Variants in LDLRAD4 observed in about 807,000 individuals in gnomAD.
LDLRAD4 encodes the protein low-density lipoprotein receptor class A domain-containing protein 4.
In LDLRAD4, 5 loss-of-function variants were observed where a neutral mutation model predicts 17.0. The observed-to-expected ratio is 0.29, with a 90% CI of 0.15 to 0.62. The LOEUF is 0.62. LDLRAD4 is among the 20% of genes least tolerant of loss of function. The pLI, the probability that LDLRAD4 is intolerant of heterozygous loss-of-function variation, is 0.84. For missense variants in LDLRAD4, 340 were observed against 424.7 expected (o/e 0.80, Z 1.75); for synonymous variants, 168 against 171.8 (o/e 0.98, Z 0.17).
rs374547174 is a variant in LDLRAD4, at chr18:13,498,478, C to T, written c.181+60094C>T. ...ACTGGAGAATCCTTTTCCACACACA[C>T]GTCCCGCCGTGGACACTGGAGAATC... is the stretch of plus-strand genomic sequence containing the variant. On this transcript the variant is annotated intron_variant, in intron 3 of 5. Transcript: ENST00000359446. Among the ~76,000 whole-genome samples, 138 of 149,034 alleles carry T rather than the reference C, an allele frequency of 9.3e-4. 3 individuals are homozygous for T. The South Asian group carries it at 0.028, about 30-fold the overall frequency.
chr18:13,548,778 T>A (rs1010992686), intron 3 of LDLRAD4, among the ~76,000 whole-genome samples: 13 of 152,184 alleles, frequency 8.5e-5, no homozygotes, highest in African/African-American at 2.7e-4. Context: ...TCCCACCTGT[T>A]CCTGGCTCCT....
chr18:13,342,161 T>A (rs954010534), intron 1 of LDLRAD4, among the ~76,000 whole-genome samples: 3 of 152,114 alleles, frequency 2.0e-5, no homozygotes, highest in African/African-American at 7.2e-5. Flanking sequence ...GATTTTTATA[T>A]TAATATTCAT....
At chr18:13,503,915 A>G (rs1193032781) in intron 3 of LDLRAD4, among the ~76,000 whole-genome samples, 1 of 152,176 alleles carries the variant, frequency 6.6e-6, no homozygotes, top group Non-Finnish European at 1.5e-5. Context: ...ATATTTAAAG[A>G]TTTATTTTTT....
At chr18:13,407,227 T>A (rs545977054) in intron 2 of LDLRAD4, among the ~76,000 whole-genome samples, 1 of 152,308 alleles carries the variant, frequency 6.6e-6, no homozygotes, top group East Asian at 1.9e-4. Context: ...GCACCCCTCA[T>A]AGAGGCTGCT....
intron 3 of LDLRAD4, among the ~76,000 whole-genome samples, chr18:13,531,009 C>G (rs1246344377): frequency 6.6e-6 from 1 of 152,182 alleles, no homozygotes; most frequent in Non-Finnish European, 1.5e-5. Context: ...AGTGGTTCTC[C>G]TTCGTTTCAT....
intron 3 of LDLRAD4, among the ~76,000 whole-genome samples, chr18:13,506,222 T>TATTTA (rs61289550): frequency 3.3e-5 from 5 of 149,786 alleles, no homozygotes; most frequent in Admixed American, 3.3e-4. Flanking sequence ...TTTCCTCTTT[T>TATTTA]TTTTTTTTAT....
chr18:13,388,044 T>G (rs745992574), intron 2 of LDLRAD4, among the ~76,000 whole-genome samples: 4 of 152,236 alleles, frequency 2.6e-5, no homozygotes, highest in Non-Finnish European at 4.4e-5. Flanking sequence ...GTCTTCCAAG[T>G]CTCTGTTCTC....
chr18:13,409,986 ACC>A (rs948383691), intron 2 of LDLRAD4, among the ~76,000 whole-genome samples: 1 of 152,116 alleles, frequency 6.6e-6, no homozygotes, highest in African/African-American at 2.4e-5. Context: ...CACACGTGGT[ACC>A]CCAGGGCACG....
rs554067957 is a variant in LDLRAD4 at position 13,481,605 on chromosome 18, C to T, written c.181+43221C>T. Among the ~76,000 whole-genome samples the T allele has an allele frequency of 5.3e-5, 8 of 152,292 alleles. No homozygotes were observed. In the East Asian group the frequency reaches 5.8e-4, roughly 11 times the overall value. On this transcript the variant is annotated intron_variant, in intron 3 of 5. Transcript: ENST00000359446. ...CCCCCAGTCTCCACCCCCTCCCCAC[C>T]GCACGCACCTCTTCTGGGGCAGCAG...
chr18:13,470,188 G>C (rs1189565377), intron 3 of LDLRAD4, among the ~76,000 whole-genome samples: 2 of 152,118 alleles, frequency 1.3e-5, no homozygotes, highest in Non-Finnish European at 2.9e-5. Flanking sequence ...TGCACATGCA[G>C]ACCTTTGCAA....
intron 3 of LDLRAD4, among the ~76,000 whole-genome samples, chr18:13,457,186 G>C (rs759082154): frequency 6.6e-6 from 1 of 152,220 alleles, no homozygotes; most frequent in South Asian, 2.1e-4. Flanking sequence ...TTCAGGTTGG[G>C]GTTCTCACAA....
chr18:13,339,267 G>T lies in LDLRAD4; in HGVS notation c.-382-48074G>T, dbSNP rs887940021. Among the ~76,000 whole-genome samples the T allele has an allele frequency of 2.0e-5, 3 of 150,438 alleles. No homozygotes were observed. In the South Asian group the frequency reaches 6.3e-4, roughly 31 times the overall value. ...GCTCTGTTGCCCAGGCTGGAGGGAC[G>T]TGGTGGGATCTTGGCTCACTGCAAC... On this transcript the variant is annotated intron_variant, in intron 1 of 5. Transcript: ENST00000359446.
chr18:13,485,853 T>C (rs2093210273), intron 3 of LDLRAD4, among the ~76,000 whole-genome samples: 1 of 152,188 alleles, frequency 6.6e-6, no homozygotes, highest in Non-Finnish European at 1.5e-5. Flanking sequence ...CACTCCAGCC[T>C]GGGCGACAGA....
rs115641770 is a variant in LDLRAD4, at chr18:13,406,274, C to T, written c.40+18512C>T. Among the ~76,000 whole-genome samples, 316 of 152,262 alleles carry T rather than the reference C, an allele frequency of 2.1e-3. 2 individuals carry two copies. The highest frequency in any genetic ancestry group is 7.0e-3 in the African/African-American group (291 of 41,542). ...TGGTGCCTTCTAGCTGAGAGAGTCACGGATCTCAGTTGGGAACACATGGTG... is the reference window on the plus strand; with the variant it reads ...TGGTGCCTTCTAGCTGAGAGAGTCATGGATCTCAGTTGGGAACACATGGTG... On this transcript the variant is annotated intron_variant, in intron 2 of 5. Transcript: ENST00000359446.
At chr18:13,263,035 TGC>T (rs2043991032) in intron 1 of LDLRAD4, among the ~76,000 whole-genome samples, 1 of 143,606 alleles carries the variant, frequency 7.0e-6, no homozygotes, top group Non-Finnish European at 1.5e-5. Flanking sequence ...CGGCTCTGTG[TGC>T]GTGGGGGCCG....
At position 13,372,477 on chromosome 18, in the gene LDLRAD4, A is replaced by G. The variant is rs141466447; in HGVS notation, c.-382-14864A>G. On this transcript the variant is annotated intron_variant, in intron 1 of 5. Coordinates refer to ENST00000359446, the Ensembl canonical transcript of LDLRAD4. ...TAGAAGAAATGAAAGAGACAAGATG[A>G]ATGCAAGAAAAATACAGAGAACAAA... Among the ~76,000 whole-genome samples the G allele has an allele frequency of 6.2e-3, 941 of 152,368 alleles. 4 individuals carry two copies. The highest frequency in any genetic ancestry group is 0.011 in the Non-Finnish European group (729 of 68,032).
At chr18:13,447,012 G>T (rs1295295363) in intron 3 of LDLRAD4, among the ~76,000 whole-genome samples, 1 of 152,198 alleles carries the variant, frequency 6.6e-6, no homozygotes, top group African/African-American at 2.4e-5. Context: ...CGAGGCTGGG[G>T]TGAGGGGCTC....
intron 1 of LDLRAD4, among the ~76,000 whole-genome samples, chr18:13,254,299 G>T (rs1045803070): frequency 6.6e-6 from 1 of 152,226 alleles, no homozygotes; most frequent in Admixed American, 6.5e-5. Flanking sequence ...TGGACTCAGG[G>T]TTTTCTTTTC....
Position 13,300,418 on chromosome 18 carries a change from T to C in LDLRAD4, c.-383+22230T>C, listed in dbSNP as rs1599233910. Among the ~76,000 whole-genome samples, 1 of 152,156 alleles carries C rather than the reference T, an allele frequency of 6.6e-6. No homozygotes were observed. The highest frequency in any genetic ancestry group is 2.4e-5 in the African/African-American group (1 of 41,424). On this transcript the variant is annotated intron_variant, in intron 1 of 5. Transcript: ENST00000359446. This position sits in a 1 kb window ranked among gnomAD's most constrained non-coding sequence, Gnocchi z 4.2. Reference sequence around the variant, plus strand: ...CAGGTTCTGTTCTGATGGCCTTTTTTCCCAAGGACATGACATTCGCGGGGT... The same window carrying C: ...CAGGTTCTGTTCTGATGGCCTTTTTCCCCAAGGACATGACATTCGCGGGGT...
Sources: gnomAD v4.1 joint callset for allele counts (sites outside exome capture counted in the v4.1 genomes callset) on GRCh38, gnomAD v4.1.1 for gene constraint, Gnocchi (gnomAD v3.1) non-coding constraint, MANE v1.5 for transcripts, NCBI Gene and HGNC (gene_info 2026-07-23, HGNC 2026-07-21) for gene names.